The following TF variants were observed in gnomAD, a reference collection of about 807,000 sequenced individuals.
TF encodes transferrin.
Under a neutral mutation model 82.4 loss-of-function variants are expected in TF, and 55 were observed. The observed-to-expected ratio is 0.67, with a 90% CI of 0.54 to 0.84. TF has a LOEUF of 0.84. Among genes scored for constraint, TF ranks in the 40% least tolerant of loss-of-function variants. The probability of loss-of-function intolerance (pLI) is 0.00; values close to 1 mark genes in which losing one functional copy is unlikely to be tolerated. For synonymous variants in TF, 332 were observed against 332.6 expected, an observed-to-expected ratio of 1.00 and a Z score of 0.02; for missense variants, 737 against 868.4, an observed-to-expected ratio of 0.85 and a Z score of 1.90.
intron 14 of TF, among the ~76,000 whole-genome samples, chr3:133,771,791 G>T (rs1253917654): frequency 8.6e-5 from 13 of 150,834 alleles, no homozygotes; most frequent in South Asian, 2.1e-4. Context: ...TAACTTGTGG[G>T]TGAACGTTGG....
chr3:133,708,073 AAAACTT>A, the TF span, among the ~76,000 whole-genome samples: 1 of 152,356 alleles, frequency 6.6e-6, no homozygotes, highest in African/African-American at 2.4e-5. Flanking sequence ...ATTCAACAGA[AAAACTT>A]AAACAAGTGC....
intron 4 of TF, 138 bp downstream of exon 4, chr3:133,754,809 T>A: frequency 1.0e-6 from 1 of 974,470 alleles, no homozygotes. Context: ...GACTTTAAAC[T>A]GGCAGGTCTG....
chr3:133,733,478 A>T, the TF span, among the ~76,000 whole-genome samples: 19 of 152,278 alleles, frequency 1.2e-4, no homozygotes, highest in East Asian at 3.7e-3. Context: ...TCCTTTACAC[A>T]TGAGAGTTCC....
At chr3:133,768,588 G>A (rs1934185428) in intron 13 of TF, among the ~76,000 whole-genome samples, 1 of 149,392 alleles carries the variant, frequency 6.7e-6, no homozygotes, top group Admixed American at 6.8e-5. Flanking sequence ...TAGTGCCTCG[G>A]CAATGATACC....
intron 13 of TF, among the ~76,000 whole-genome samples, chr3:133,769,363 C>T (rs1208193893): frequency 6.6e-6 from 1 of 152,096 alleles, no homozygotes; most frequent in Non-Finnish European, 1.5e-5. Flanking sequence ...TAGAGTTCCC[C>T]TTTGCATTTT....
rs1934590105 is a variant in TF, at chr3:133,784,250, T to C, written c.*5630T>C. ...TGGAAAAGAGAAGTGTAAGAATAAC[T>C]TGCGCCATTAGGCCCATCGGAAAGG... is the stretch of plus-strand genomic sequence containing the variant. On this transcript the variant is annotated 3_prime_UTR_variant, in exon 17 of 17. Transcript: ENST00000402696. 1 of 152,166 alleles carries C rather than the reference T, an allele frequency of 6.6e-6. No individual in the cohort carries two copies. The highest frequency in any genetic ancestry group is 2.1e-4 in the South Asian group (1 of 4,820). 9.4% of individuals were successfully genotyped at this position (152,166 alleles called of 1,614,324 possible). A position where few individuals can be genotyped will look rare whatever the true frequency, so the allele number is the denominator to read the frequency against.
At chr3:133,718,003 G>A in the TF span, among the ~76,000 whole-genome samples, 2 of 152,020 alleles carry the variant, frequency 1.3e-5, no homozygotes, top group Non-Finnish European at 2.9e-5. Context: ...CCAAGAACTG[G>A]CCCCTGTGCT....
intron 11 of TF, among the ~76,000 whole-genome samples, chr3:133,765,295 A>G (rs1350855086): frequency 6.6e-6 from 1 of 152,196 alleles, no homozygotes; most frequent in Non-Finnish European, 1.5e-5. Flanking sequence ...CAACCAAGGA[A>G]CTTTGCTTAT....
In TF at chr3:133,791,296, C is replaced by G. The variant is rs544535573; in HGVS notation, c.*12676C>G. 1 of 152,280 alleles carries G rather than the reference C, an allele frequency of 6.6e-6. No homozygotes were observed. Among genetic ancestry groups the G allele is most frequent in the African/African-American group, 2.4e-5 (1 of 41,542 alleles). The allele number at this position is 152,280 out of a possible 1,614,324, so 9.4% of individuals were successfully genotyped here. On this transcript the variant is annotated 3_prime_UTR_variant, in exon 17 of 17. Transcript: ENST00000402696. Reference sequence around the variant, plus strand: ...TAAACAGAATTTGAGTCATATTTCTCTGTCTGCCCATTTTCTCCAAAATTC... The same window carrying G: ...TAAACAGAATTTGAGTCATATTTCTGTGTCTGCCCATTTTCTCCAAAATTC...
the TF span, among the ~76,000 whole-genome samples, chr3:133,697,477 GAA>G: frequency 2.9e-4 from 44 of 152,288 alleles, no homozygotes; most frequent in Non-Finnish European, 2.9e-4. Flanking sequence ...TGAAGTATTT[GAA>G]AACATCCTCA....
the TF span, among the ~76,000 whole-genome samples, chr3:133,686,198 C>G: frequency 6.6e-6 from 1 of 152,146 alleles, no homozygotes; most frequent in African/African-American, 2.4e-5. Flanking sequence ...AACATTAATT[C>G]GAGATGGATT....
At chr3:133,765,969 T>C (rs1219269474) in intron 11 of TF, among the ~76,000 whole-genome samples, 1 of 152,258 alleles carries the variant, frequency 6.6e-6, no homozygotes, top group African/African-American at 2.4e-5. Flanking sequence ...TCCATTCCTC[T>C]GATAGGACTC....
the TF span, chr3:133,662,239 CCTGT>C: frequency 1.6e-4 from 24 of 152,258 alleles, no homozygotes; most frequent in African/African-American, 5.8e-4. Context: ...TTATTTTACA[CCTGT>C]CTTATACCAG....
rs148358704 is a variant in TF at position 133,757,870 on chromosome 3, C to T, written c.972C>T (p.Val324=). The part of the protein sequence containing the change: ...FKDSAHGFLK[V]PPRMDAKMYL... ...ACTCTGCCCACGGGTTTTTAAAAGT[C>T]CCCCCCAGGATGGATGCCAAGATGT... is the stretch of plus-strand genomic sequence containing the variant. Residue 324 remains valine, a synonymous_variant, in exon 8 of 17, where the codon GTC becomes GTT. Transcript: ENST00000402696. 2.6e-5 allele frequency: 42 copies of T among 1,613,772 alleles called. No homozygotes were observed. Among genetic ancestry groups the T allele is most frequent in the African/African-American group, 5.3e-5 (4 of 74,878 alleles).
chr3:133,671,684 T>A, the TF span, among the ~76,000 whole-genome samples: 2 of 150,998 alleles, frequency 1.3e-5, no homozygotes, highest in Non-Finnish European at 2.9e-5. Context: ...TCCCAGCTAC[T>A]CAGGAGGCTG....
chr3:133,766,126 G>GT, intron 11 of TF, 152 bp from the exon 12 acceptor site: 1 of 788,012 alleles, frequency 1.3e-6, no homozygotes, highest in Non-Finnish European at 2.2e-6. Context: ...AGAGTTCCTT[G>GT]TACTTCCCCT....
chr3:133,765,308 A>G (rs1425349357), intron 11 of TF, among the ~76,000 whole-genome samples: 1 of 152,222 alleles, frequency 6.6e-6, no homozygotes. Context: ...TTGCTTATTT[A>G]TTCCTTACAG....
chr3:133,663,432 G>A, the TF span, among the ~76,000 whole-genome samples: 3 of 150,308 alleles, frequency 2.0e-5, no homozygotes, highest in Non-Finnish European at 4.4e-5. Flanking sequence ...CTATTGCTGG[G>A]GGAAGGGTGA....
chr3:133,671,652 G>C, the TF span, among the ~76,000 whole-genome samples: 1 of 151,886 alleles, frequency 6.6e-6, no homozygotes, highest in African/African-American at 2.4e-5. Context: ...AATTACCCGG[G>C]TGCTCTGTCT....
Sources: allele counts gnomAD v4.1 joint callset (sites outside exome capture counted in the v4.1 genomes callset), GRCh38; gene constraint gnomAD v4.1.1; transcripts MANE v1.5; gene names NCBI Gene and HGNC (gene_info 2026-07-23, HGNC 2026-07-21).